FHIT: variants seen among roughly 807,000 people sequenced by gnomAD.
FHIT encodes the protein bis(5'-adenosyl)-triphosphatase.
Under a neutral mutation model 17.9 loss-of-function variants are expected in FHIT, and 19 were observed. The observed-to-expected ratio is 1.06, with a 90% CI of 0.74 to 1.56. The LOEUF is 1.56. Among genes scored for constraint, FHIT ranks in the 40% most tolerant of loss-of-function variants. The pLI is 0.00. For missense variants in FHIT, 248 were observed against 189.2 expected (o/e 1.31, Z -1.82); for synonymous variants, 81 against 69.7 (o/e 1.16, Z -0.81).
At chr3:60,139,229 A>T (rs1269954262) in intron 5 of FHIT, among the ~76,000 whole-genome samples, 1 of 152,172 alleles carries the variant, frequency 6.6e-6, no homozygotes, top group Non-Finnish European at 1.5e-5. Flanking sequence ...GGAGGCTAGC[A>T]AGGTTCCTGA....
chr3:60,011,566 C>T (rs1480538035), intron 6 of FHIT, among the ~76,000 whole-genome samples, 166 bp from the exon 7 acceptor site: 1 of 122,182 alleles, frequency 8.2e-6, no homozygotes, highest in Non-Finnish European at 1.9e-5. Context: ...GACAGTTCTC[C>T]ATTTCCGCCT....
chr3:60,989,249 A>C (rs1359870927), intron 3 of FHIT, among the ~76,000 whole-genome samples: 1 of 152,102 alleles, frequency 6.6e-6, no homozygotes, highest in Non-Finnish European at 1.5e-5. Context: ...TCCTTGGATC[A>C]AGTGATTCTC....
intron 2 of FHIT, among the ~76,000 whole-genome samples, chr3:61,068,385 G>A (rs2034687359): frequency 6.6e-6 from 1 of 152,160 alleles, no homozygotes; most frequent in African/African-American, 2.4e-5. Flanking sequence ...TTAGGAGGTT[G>A]ACCCCTCCTT....
chr3:60,658,852 T>C (rs2040176064), intron 4 of FHIT, among the ~76,000 whole-genome samples: 1 of 152,126 alleles, frequency 6.6e-6, no homozygotes, highest in Admixed American at 6.6e-5. Flanking sequence ...CGGAGAACTT[T>C]ATTTCTTAAC....
chr3:60,319,680 C>G (rs1032038397), intron 5 of FHIT, among the ~76,000 whole-genome samples: 27 of 152,134 alleles, frequency 1.8e-4, no homozygotes, highest in African/African-American at 6.3e-4. Context: ...CAAACAGCAG[C>G]ACAGCCACAA....
intron 2 of FHIT, among the ~76,000 whole-genome samples, chr3:61,163,588 G>T (rs763181461): frequency 3.9e-5 from 6 of 152,172 alleles, no homozygotes; most frequent in Non-Finnish European, 7.3e-5. Context: ...TCTAAAGTGG[G>T]TCATAGGCCT....
At chr3:61,121,482 C>T (rs2036455903) in intron 2 of FHIT, among the ~76,000 whole-genome samples, 2 of 152,120 alleles carry the variant, frequency 1.3e-5, no homozygotes, top group Non-Finnish European at 2.9e-5. Flanking sequence ...CATATCCAGC[C>T]AAACTATGTT....
chr3:59,806,574 G>A (rs1322126840), intron 8 of FHIT, among the ~76,000 whole-genome samples: 1 of 151,834 alleles, frequency 6.6e-6, no homozygotes, highest in African/African-American at 2.4e-5. Context: ...CACAGTCATT[G>A]TTACTGCAAG....
At chr3:60,091,854 C>G (rs1025985457) in intron 5 of FHIT, among the ~76,000 whole-genome samples, 12 of 152,246 alleles carry the variant, frequency 7.9e-5, no homozygotes, top group African/African-American at 2.9e-4. Context: ...GAAGCCGAAG[C>G]TGCTATGCTT....
At chr3:60,764,399 C>G (rs1026605745) in intron 4 of FHIT, among the ~76,000 whole-genome samples, 1 of 152,070 alleles carries the variant, frequency 6.6e-6, no homozygotes, top group Non-Finnish European at 1.5e-5. Context: ...ATAGGATTTC[C>G]TCAGCTGTAG....
intron 4 of FHIT, among the ~76,000 whole-genome samples, chr3:60,760,383 G>A (rs1371591900): frequency 2.0e-5 from 3 of 152,156 alleles, no homozygotes; most frequent in African/African-American, 7.2e-5. Flanking sequence ...AGGAAGTAAG[G>A]GCATACACAT....
At chr3:60,607,830 A>C (rs2038657325) in intron 4 of FHIT, among the ~76,000 whole-genome samples, 1 of 152,172 alleles carries the variant, frequency 6.6e-6, no homozygotes, top group Admixed American at 6.6e-5. Context: ...ATATATTCAT[A>C]TTCTTGAGAA....
chr3:59,921,487 T>C (rs79150213), intron 8 of FHIT, among the ~76,000 whole-genome samples: 7 of 152,360 alleles, frequency 4.6e-5, no homozygotes, highest in African/African-American at 1.4e-4. Context: ...TCCTATCCAA[T>C]GCCCTTGGCA....
chr3:59,828,909 A>G (rs1214689992), intron 8 of FHIT, among the ~76,000 whole-genome samples: 1 of 150,564 alleles, frequency 6.6e-6, no homozygotes, highest in Admixed American at 6.6e-5. Flanking sequence ...AAGCAAGACA[A>G]ATTTATTCAC....
At chr3:60,958,376 T>A (rs1473871496) in intron 3 of FHIT, among the ~76,000 whole-genome samples, 1 of 152,190 alleles carries the variant, frequency 6.6e-6, no homozygotes, top group Non-Finnish European at 1.5e-5. Context: ...TTTAAAGAAA[T>A]GAGCCTTGGC....
intron 4 of FHIT, among the ~76,000 whole-genome samples, chr3:60,768,921 C>T (rs942978747): frequency 6.6e-6 from 1 of 152,114 alleles, no homozygotes; most frequent in African/African-American, 2.4e-5. Context: ...TGTATGGACC[C>T]CATCTATCAT....
At chr3:59,979,949 G>C (rs762504917) in intron 7 of FHIT, among the ~76,000 whole-genome samples, 1 of 152,164 alleles carries the variant, frequency 6.6e-6, no homozygotes, top group Non-Finnish European at 1.5e-5. Context: ...AATAAGGTCA[G>C]CTGACAACAC....
chr3:60,576,949 TACACACAC>T (rs57891077), intron 4 of FHIT, among the ~76,000 whole-genome samples: 24 of 146,744 alleles, frequency 1.6e-4, no homozygotes, highest in Admixed American at 4.8e-4. Context: ...TCCATTTGCA[TACACACAC>T]ACACACACAC....
chr3:60,255,804 G>A (rs1057148467), intron 5 of FHIT, among the ~76,000 whole-genome samples: 2 of 151,912 alleles, frequency 1.3e-5, no homozygotes, highest in African/African-American at 4.8e-5. Context: ...GCAGTGAGCC[G>A]AGATTGTGCC....
Sources: gnomAD v4.1 joint callset for allele counts (sites outside exome capture counted in the v4.1 genomes callset) on GRCh38, gnomAD v4.1.1 for gene constraint, MANE v1.5 for transcripts, NCBI Gene and HGNC (gene_info 2026-07-23, HGNC 2026-07-21) for gene names.